ATP2B3: variants seen among roughly 807,000 people sequenced by gnomAD.
ATP2B3 encodes ATPase plasma membrane Ca2+ transporting 3.
A neutral mutation model predicts 70.8 loss-of-function variants in ATP2B3; 12 were observed. The observed-to-expected ratio is 0.17, with a 90% confidence interval of 0.11 to 0.27. The LOEUF (loss-of-function observed/expected upper bound fraction) is 0.27, where lower values mean the gene tolerates loss of function less well. ATP2B3 is among the 10% of genes least tolerant of loss of function. ATP2B3 has a pLI of 1.00. For synonymous variants in ATP2B3, 460 were observed against 497.8 expected, an observed-to-expected ratio of 0.92 and a Z score of 1.01; for missense variants, 858 against 1,118.5, an observed-to-expected ratio of 0.77 and a Z score of 3.32.
chrX:153,560,989 C>T, intron 19 of ATP2B3, 102 bp downstream of exon 19: 1 of 987,714 alleles, frequency 1.0e-6, no homozygotes, highest in South Asian at 2.2e-5. Context: ...CTCCCCACCT[C>T]CACTCCCAGA....
Position 153,543,084 on chromosome X carries a change from G to A in ATP2B3, c.832G>A (p.Ala278Thr), listed in dbSNP as rs1322544254. Residue 278 changes from alanine (A) to threonine (T), a missense_variant, in exon 7 of 22, where the codon GCC (alanine) becomes ACC (threonine). By Grantham distance (58) the Ala-to-Thr change is moderately conservative. Transcript: ENST00000263519. ...MEGSGRMVVT[A>T]VGVNSQTGII... is the part of the protein sequence containing the mutation. ...AGGTTCTGGAAGAATGGTGGTGACC[G>A]CCGTTGGCGTGAATTCCCAGACAGG... The A allele has an allele frequency of 7.4e-6, 9 of 1,210,969 alleles. No homozygotes were observed. Among genetic ancestry groups the A allele is most frequent in the Non-Finnish European group, 1.0e-5 (9 of 895,213 alleles).
intron 21 of ATP2B3, among the ~76,000 whole-genome samples, chrX:153,566,688 A>G (rs906172047): frequency 6.4e-5 from 7 of 109,389 alleles, no homozygotes; most frequent in African/African-American, 2.0e-4. Context: ...ATGGCCTTCA[A>G]GCCCCTGCCT....
At chrX:153,570,708 G>T (rs782689695) in intron 21 of ATP2B3, among the ~76,000 whole-genome samples, 56 of 111,261 alleles carry the variant, frequency 5.0e-4, no homozygotes, top group African/African-American at 1.7e-3. Context: ...TGCCAGGATG[G>T]TTCTATGCTA....
In ATP2B3 at chrX:153,552,848, G is replaced by A. The variant is rs1001141504; in HGVS notation, c.1824-187G>A. Among the ~76,000 whole-genome samples, 4 of 112,233 alleles carry A rather than the reference G, an allele frequency of 3.6e-5. No homozygotes were observed. The Admixed American group carries it at 3.7e-4, about 10-fold the overall frequency. On this transcript the variant is annotated intron_variant, in intron 12 of 21. Coordinates refer to ENST00000263519, the MANE Select transcript of ATP2B3 (RefSeq NM_001001344.3). ...CAGTCCTCGCGTTCCTCAGCTTGCAGCTGACCCTCTCTAATCTCTGCCTGT... is the reference window on the plus strand; with the variant it reads ...CAGTCCTCGCGTTCCTCAGCTTGCAACTGACCCTCTCTAATCTCTGCCTGT...
chrX:153,543,843 T>C (rs2090323832), intron 7 of ATP2B3, among the ~76,000 whole-genome samples: 1 of 112,016 alleles, frequency 8.9e-6, no homozygotes, highest in African/African-American at 3.2e-5. Flanking sequence ...TTCTGGCCTC[T>C]CCTGCAGCCA....
At chrX:153,567,717 G>C (rs782319548) in intron 21 of ATP2B3, among the ~76,000 whole-genome samples, 1 of 111,185 alleles carries the variant, frequency 9.0e-6, no homozygotes, top group South Asian at 3.8e-4. Context: ...ACAGAGACAC[G>C]GGCAGCTGAG....
intron 3 of ATP2B3, among the ~76,000 whole-genome samples, chrX:153,539,530 T>C (rs1212489028): frequency 1.8e-5 from 2 of 113,454 alleles, no homozygotes; most frequent in African/African-American, 3.2e-5. Context: ...CTGGAGGGTC[T>C]TGTGTGCCTT....
At position 153,558,259 on chromosome X, in the gene ATP2B3, G is replaced by C; in HGVS notation, c.2581G>C (p.Val861Leu). Residue 861 changes from valine to leucine, a missense_variant, in exon 17 of 22, where the codon GTG becomes CTG. Around this residue, in one of 5 missense-constraint regions of ATP2B3, gnomAD observed 50 missense variants for 106.7 expected, o/e 0.47. Coordinates refer to ENST00000263519, the MANE Select transcript of ATP2B3 (RefSeq NM_001001344.3). ...CCTGCAGTTTCAACTGACGGTCAAT[G>C]TGGTGGCTGTGATCGTGGCCTTCAC... ...KFLQFQLTVN[V>L]VAVIVAFTGA... 1 of 1,212,025 alleles carries C rather than the reference G, an allele frequency of 8.3e-7. No individual in the cohort carries two copies. Among genetic ancestry groups the C allele is most frequent in the Non-Finnish European group, 1.1e-6 (1 of 895,483 alleles).
chrX:153,571,157 G>A (rs782726640), intron 21 of ATP2B3, among the ~76,000 whole-genome samples: 1 of 112,184 alleles, frequency 8.9e-6, no homozygotes, highest in East Asian at 2.8e-4. Context: ...AAAAGCAGTC[G>A]GCGCCTCCAG....
At chrX:153,535,440 C>G (rs1290501656) in intron 2 of ATP2B3, among the ~76,000 whole-genome samples, 6 of 111,244 alleles carry the variant, frequency 5.4e-5, no homozygotes, top group African/African-American at 2.0e-4. Context: ...CAGCCACTCC[C>G]TTTATCCCCT....
At chrX:153,561,371 A>G (rs868932581) in intron 19 of ATP2B3, among the ~76,000 whole-genome samples, 2 of 112,283 alleles carry the variant, frequency 1.8e-5, no homozygotes, top group South Asian at 3.7e-4. Context: ...TCTAAAATAT[A>G]GTGTATTTGT....
intron 2 of ATP2B3, among the ~76,000 whole-genome samples, chrX:153,522,740 G>A (rs1556998259): frequency 1.8e-5 from 2 of 111,887 alleles, no homozygotes; most frequent in Non-Finnish European, 3.8e-5. Flanking sequence ...CGTGCTGTGG[G>A]GGATGCCCAG....
Position 153,582,436 on chromosome X carries a change from C to T in ATP2B3, c.*2138C>T, listed in dbSNP as rs781971461. The T allele has an allele frequency of 8.9e-6, 1 of 112,615 alleles. No homozygotes were observed. The highest frequency in any genetic ancestry group is 1.9e-5 in the Non-Finnish European group (1 of 53,318). 9.3% of individuals were successfully genotyped at this position (112,615 alleles called of 1,213,427 possible). ...CTTCAATGAGAAATCAAATTTGAGA[C>T]GTTGAAATTGGAGCTGCGTGCTGCT... On this transcript the variant is annotated 3_prime_UTR_variant, in exon 22 of 22. Transcript: ENST00000263519.
intron 8 of ATP2B3, 72 bp from the exon 9 acceptor site, chrX:153,547,763 C>T: frequency 1.8e-6 from 2 of 1,094,298 alleles, no homozygotes; most frequent in South Asian, 2.5e-5. Flanking sequence ...GTCTTTCCCC[C>T]ACAAAAGCCC....
Position 153,582,928 on chromosome X carries a change from T to C in ATP2B3, c.*2630T>C, listed in dbSNP as rs2090934620. ...AAAAAATGAAAGGCTCCTTACATCCTGGTCTGGGTAACGTGTGTGATTTAT... is the reference window on the plus strand; with the variant it reads ...AAAAAATGAAAGGCTCCTTACATCCCGGTCTGGGTAACGTGTGTGATTTAT... On this transcript the variant is annotated 3_prime_UTR_variant, in exon 22 of 22. Coordinates refer to ENST00000263519, the MANE Select transcript of ATP2B3 (RefSeq NM_001001344.3). 8.9e-6 allele frequency: 1 copy of C among 112,872 alleles called. No individual in the cohort carries two copies. The allele number at this position is 112,872 out of a possible 1,213,427, so 9.3% of individuals were successfully genotyped here.
At chrX:153,522,196 C>G (rs1198137325) in intron 2 of ATP2B3, among the ~76,000 whole-genome samples, 5 of 112,737 alleles carry the variant, frequency 4.4e-5, no homozygotes, top group African/African-American at 1.6e-4. Context: ...TGCCAGGGGG[C>G]CACATCTTAT....
At chrX:153,538,868 G>A (rs1275075353) in intron 3 of ATP2B3, among the ~76,000 whole-genome samples, 1 of 113,271 alleles carries the variant, frequency 8.8e-6, no homozygotes, top group Admixed American at 9.2e-5. Flanking sequence ...GGCTACAGCT[G>A]CAAGGGCAGG....
chrX:153,549,833 T>G lies in ATP2B3; in HGVS notation c.1581+94T>G. The G allele has an allele frequency of 3.7e-6, 4 of 1,088,249 alleles. No homozygotes were observed. In the South Asian group the frequency reaches 8.8e-5, roughly 24 times the overall value. The allele number at this position is 1,088,249 out of a possible 1,213,427, so 89.7% of individuals were successfully genotyped here. On this transcript the variant is annotated intron_variant, in intron 11 of 21. Transcript: ENST00000263519. ...CAGGTGAGCTGTTGCAAGGTGCTCA[T>G]TAGGCCCCCCCTTGAGAACTTTTGC...
At chrX:153,570,475 TA>T (rs1557019545) in intron 21 of ATP2B3, among the ~76,000 whole-genome samples, 4 of 112,196 alleles carry the variant, frequency 3.6e-5, no homozygotes, top group Non-Finnish European at 7.5e-5. Flanking sequence ...GGTCACAGTT[TA>T]AAGAGAACCC....
Sources: allele counts gnomAD v4.1 joint callset (sites outside exome capture counted in the v4.1 genomes callset), GRCh38; gene constraint gnomAD v4.1.1; regional missense constraint gnomAD v4.1.1; transcripts MANE v1.5; gene names NCBI Gene and HGNC (gene_info 2026-07-23, HGNC 2026-07-21).